SYNE1: variants seen among roughly 807,000 people sequenced by gnomAD.
The protein encoded by SYNE1 is spectrin repeat containing nuclear envelope protein 1, also known as nesprin-1.
A neutral mutation model predicts 1,111.0 loss-of-function variants in SYNE1; 616 were observed. That is an observed-to-expected ratio of 0.55 (90% CI 0.52 to 0.59). SYNE1 has a LOEUF of 0.59. Ranked by LOEUF, SYNE1 falls within the 20% of genes least tolerant of loss-of-function variation. The pLI, the probability that SYNE1 is intolerant of heterozygous loss-of-function variation, is 0.00. For synonymous variants in SYNE1, 3,855 were observed against 3,825.8 expected, an observed-to-expected ratio of 1.01 and a Z score of -0.28; for missense variants, 10,006 against 10,417.0, an observed-to-expected ratio of 0.96 and a Z score of 1.72.
chr6:152,176,999 T>C (rs2066622791), intron 129 of SYNE1, among the ~76,000 whole-genome samples: 2 of 152,162 alleles, frequency 1.3e-5, no homozygotes, highest in African/African-American at 4.8e-5. Context: ...GCAATTGATA[T>C]ATAGGTATAT....
chr6:152,386,731 A>G (rs2097531501), intron 54 of SYNE1, among the ~76,000 whole-genome samples: 1 of 152,188 alleles, frequency 6.6e-6, no homozygotes, highest in Non-Finnish European at 1.5e-5. Flanking sequence ...TAATATAACA[A>G]ATATAAGTGT....
intron 121 of SYNE1, 65 bp from the exon 122 acceptor site, chr6:152,215,125 G>A (rs2078318068): frequency 1.3e-6 from 2 of 1,577,140 alleles, no homozygotes; most frequent in East Asian, 2.2e-5. Flanking sequence ...TTTTCAAAGT[G>A]CGCAGTGAAT....
rs1385790683 is a variant in SYNE1 at position 152,427,660 on chromosome 6, AT to A, written c.5100+32del. 10 of 1,613,244 alleles carry A rather than the reference AT, an allele frequency of 6.2e-6. No homozygotes were observed. In the East Asian group the frequency reaches 2.0e-4, roughly 32 times the overall value. ...ATGTAACTGTAACAAAAAGCATTTT[AT>A]TTTTTCCTTCCTCACACTTCCTTGA... On this transcript the variant is annotated intron_variant, in intron 38 of 145. Transcript: ENST00000367255.
intron 3 of SYNE1, among the ~76,000 whole-genome samples, chr6:152,589,930 C>CT (rs35508645): frequency 0.023 from 3,062 of 133,960 alleles, 70 homozygotes; most frequent in East Asian, 0.12. Flanking sequence ...CTAAACATTT[C>CT]TTTTTTTTTT....
intron 141 of SYNE1, among the ~76,000 whole-genome samples, chr6:152,135,998 A>G (rs2056987973): frequency 6.6e-6 from 1 of 152,178 alleles, no homozygotes; most frequent in African/African-American, 2.4e-5. Flanking sequence ...TCCATTTATT[A>G]TATTACCTTC....
At chr6:152,341,029 A>G (rs868510722) in intron 74 of SYNE1, among the ~76,000 whole-genome samples, 1 of 152,336 alleles carries the variant, frequency 6.6e-6, no homozygotes, top group African/African-American at 2.4e-5. Flanking sequence ...AGAGTCAATC[A>G]TGGTGCCTGA....
intron 87 of SYNE1, chr6:152,311,261 T>C (rs747828985): frequency 1.6e-5 from 4 of 250,830 alleles, no homozygotes; most frequent in Non-Finnish European, 3.1e-5. Context: ...AACTAAAGAA[T>C]CACTTTTCAG....
Position 152,151,981 on chromosome 6 carries a change from G to A in SYNE1, c.24290C>T (p.Thr8097Ile). 6.2e-7 allele frequency: 1 copy of A among 1,614,228 alleles called. No homozygotes were observed. Among genetic ancestry groups the A allele is most frequent in the Non-Finnish European group, 8.5e-7 (1 of 1,180,052 alleles). The change falls in exon 134 of 146, where the codon ACC (threonine) becomes ATC (isoleucine). Residue 8097 changes from threonine (T) to isoleucine (I), a missense_variant. Physicochemically the swap from Thr to Ile is moderately conservative, Grantham distance 89. Around this residue, in one of 7 missense-constraint regions of SYNE1, gnomAD observed 2,182 missense variants for 2,287.8 expected, o/e 0.95. Coordinates refer to ENST00000367255, the MANE Select transcript of SYNE1 (RefSeq NM_182961.4). ...QRWDNLQKRV[T>I]SILRRLKHFI... Reference sequence around the variant, plus strand: ...AACCTTGAGTCTGCGCAAGATGGAGGTGACACGCTTTTGCAGGTTGTCCCA... The same window carrying A: ...AACCTTGAGTCTGCGCAAGATGGAGATGACACGCTTTTGCAGGTTGTCCCA...
intron 100 of SYNE1, among the ~76,000 whole-genome samples, chr6:152,267,610 A>G (rs1195755871): frequency 5.3e-5 from 8 of 152,202 alleles, no homozygotes; most frequent in Non-Finnish European, 1.5e-5. Flanking sequence ...TTCTGTGTAG[A>G]AGACTTTGAA....
At chr6:152,203,985 C>A (rs1265979394) in intron 126 of SYNE1, among the ~76,000 whole-genome samples, 1 of 152,136 alleles carries the variant, frequency 6.6e-6, no homozygotes, top group Non-Finnish European at 1.5e-5. Context: ...TCTCTTTCTG[C>A]TTAAATTAAA....
chr6:152,500,396 G>A (rs769955319), intron 10 of SYNE1, among the ~76,000 whole-genome samples: 8 of 152,146 alleles, frequency 5.3e-5, no homozygotes, highest in African/African-American at 1.7e-4. Flanking sequence ...GTTAAGTCAC[G>A]CTGGTGGCCA....
Position 152,263,838 on chromosome 6 carries a change from G to A in SYNE1, c.18816-1650C>T, listed in dbSNP as rs116776301. ...AATGAAGATAGTATCTACCTTGCAT[G>A]ATTATGAGAATGAAAGAGAATACAT... is the stretch of plus-strand genomic sequence containing the variant. On this transcript the variant is annotated intron_variant, in intron 100 of 145. Coordinates refer to ENST00000367255, the MANE Select transcript of SYNE1 (RefSeq NM_182961.4). 9.4e-3 allele frequency among the ~76,000 whole-genome samples: 1,437 copies of A among 152,182 alleles called. 26 individuals carry two copies. The highest frequency in any genetic ancestry group is 0.032 in the African/African-American group (1,343 of 41,510).
At chr6:152,395,929 T>C (rs1172693624) in intron 50 of SYNE1, among the ~76,000 whole-genome samples, 1 of 152,238 alleles carries the variant, frequency 6.6e-6, no homozygotes, top group African/African-American at 2.4e-5. Flanking sequence ...ATTTCATAGC[T>C]GGTAATTGCC....
intron 91 of SYNE1, among the ~76,000 whole-genome samples, chr6:152,306,484 T>C (rs1375613129): frequency 1.2e-5 from 1 of 82,676 alleles, no homozygotes; most frequent in Admixed American, 1.6e-4. Context: ...AGACTCCATC[T>C]AAAAAATAAA....
At chr6:152,412,203 T>C (rs968117589) in intron 42 of SYNE1, among the ~76,000 whole-genome samples, 3 of 151,896 alleles carry the variant, frequency 2.0e-5, no homozygotes. Context: ...AGGTGGATCA[T>C]GAGGTCAGGA....
rs752534645 is a variant in SYNE1, at chr6:152,395,640, A to T, written c.7588T>A (p.Trp2530Arg). The change falls in exon 51 of 146, where the codon TGG becomes AGG. Residue 2530 changes from tryptophan (W) to arginine (R), a missense_variant. By Grantham distance (101) the Trp-to-Arg change is moderately radical (BLOSUM62 -3). Transcript: ENST00000367255. The stretch of plus-strand genomic sequence containing the variant: ...AACCTTTCTTCCATTTCATGGATCC[A>T]TAAGTTCAGTTTTCTGTGCTGATCT... ...FEDQHRKLNL[W>R]IHEMEERFNT... 2 of 1,614,060 alleles carry T rather than the reference A, an allele frequency of 1.2e-6. No individual in the cohort carries two copies. The highest frequency in any genetic ancestry group is 4.5e-5 in the East Asian group (2 of 44,886).
intron 115 of SYNE1, among the ~76,000 whole-genome samples, chr6:152,227,949 A>G (rs1009742193): frequency 6.6e-6 from 1 of 152,194 alleles, no homozygotes; most frequent in Admixed American, 6.5e-5. Context: ...TACCATTTTT[A>G]AAAACAATAA....
At chr6:152,298,158 C>T (rs1392951311) in intron 93 of SYNE1, among the ~76,000 whole-genome samples, 1 of 152,176 alleles carries the variant, frequency 6.6e-6, no homozygotes, top group Non-Finnish European at 1.5e-5. Flanking sequence ...ATTCATGTCA[C>T]ATTTCATTTT....
chr6:152,164,932 G>A (rs946670721), intron 130 of SYNE1, among the ~76,000 whole-genome samples: 1 of 152,098 alleles, frequency 6.6e-6, no homozygotes, highest in African/African-American at 2.4e-5. Context: ...AACTGAAGAG[G>A]TATCTATCTT....
Sources: gnomAD v4.1 joint callset for allele counts (sites outside exome capture counted in the v4.1 genomes callset) on GRCh38, gnomAD v4.1.1 for gene constraint, gnomAD v4.1.1 regional missense constraint, MANE v1.5 for transcripts, NCBI Gene and HGNC (gene_info 2026-07-23, HGNC 2026-07-21) for gene names.